KALRN: variants seen among roughly 807,000 people sequenced by gnomAD.
The protein encoded by KALRN is kalirin.
Under a neutral mutation model 353.7 loss-of-function variants are expected in KALRN, and 70 were observed. The observed-to-expected ratio is 0.20, with a 90% CI of 0.16 to 0.24. The LOEUF is 0.24. KALRN is among the 10% of genes least tolerant of loss of function. The pLI, the probability that KALRN is intolerant of heterozygous loss-of-function variation, is 1.00. For missense variants in KALRN, 2,791 were observed against 3,756.7 expected, an observed-to-expected ratio of 0.74 and a Z score of 6.72; for synonymous variants, 1,391 against 1,434.8, an observed-to-expected ratio of 0.97 and a Z score of 0.69.
chr3:124,602,997 G>A (rs1429063312), intron 34 of KALRN, among the ~76,000 whole-genome samples: 11 of 146,284 alleles, frequency 7.5e-5, no homozygotes, highest in Non-Finnish European at 1.7e-4. Context: ...TTACTACAGT[G>A]GAATCTAGTG....
chr3:124,616,359 C>T (rs145164680), intron 34 of KALRN, among the ~76,000 whole-genome samples: 345 of 152,290 alleles, frequency 2.3e-3, no homozygotes, highest in African/African-American at 7.2e-3. Context: ...TCTGGGTATA[C>T]TTGATGTGAT....
chr3:124,249,953 C>A (rs921526535), intron 3 of KALRN, among the ~76,000 whole-genome samples: 1 of 152,172 alleles, frequency 6.6e-6, no homozygotes, highest in Non-Finnish European at 1.5e-5. Flanking sequence ...CCAGGGCAAC[C>A]CTGGCTGTGT....
intron 34 of KALRN, among the ~76,000 whole-genome samples, chr3:124,567,063 G>A (rs748464806): frequency 3.4e-4 from 51 of 152,096 alleles, no homozygotes; most frequent in Non-Finnish European, 3.7e-4. Context: ...ACTAGCACAG[G>A]GTTCCCAACG....
intron 34 of KALRN, among the ~76,000 whole-genome samples, chr3:124,574,294 C>T (rs889743106): frequency 2.0e-5 from 3 of 152,210 alleles, no homozygotes; most frequent in South Asian, 2.1e-4. Context: ...ACCCAGGTGT[C>T]CATGGAAAGA....
At chr3:124,204,130 T>A (rs1328261272) in intron 1 of KALRN, among the ~76,000 whole-genome samples, 1 of 152,150 alleles carries the variant, frequency 6.6e-6, no homozygotes, top group African/African-American at 2.4e-5. Context: ...GTTCTAAGTA[T>A]TTTTCTGTTC....
intron 1 of KALRN, among the ~76,000 whole-genome samples, chr3:124,109,765 TATATATATGAC>T (rs1376642122): frequency 8.7e-5 from 10 of 115,466 alleles, no homozygotes; most frequent in African/African-American, 3.8e-4. Context: ...CATACTTTGA[TATATATATGAC>T]ATATATATCA....
intron 58 of KALRN, among the ~76,000 whole-genome samples, chr3:124,714,908 C>T (rs113403463): frequency 0.14 from 21,564 of 151,278 alleles, 1,999 homozygotes; most frequent in Middle Eastern, 0.22. Context: ...CCCAGCTACT[C>T]GGGAGGCTGA....
chr3:124,047,001 T>TC (rs1186274932), intron 1 of KALRN, among the ~76,000 whole-genome samples: 2 of 150,256 alleles, frequency 1.3e-5, no homozygotes, highest in African/African-American at 5.0e-5. Flanking sequence ...TTTTTTTTTT[T>TC]CTGTCGACAG....
At chr3:124,238,472 T>C (rs542652516) in intron 3 of KALRN, among the ~76,000 whole-genome samples, 14 of 152,266 alleles carry the variant, frequency 9.2e-5, no homozygotes, top group Admixed American at 5.9e-4. Context: ...CTCTACTGGG[T>C]TGAAGGTGGG....
intron 1 of KALRN, among the ~76,000 whole-genome samples, chr3:124,104,693 A>C (rs964734399): frequency 4.6e-5 from 7 of 152,356 alleles, no homozygotes; most frequent in Admixed American, 4.6e-4. Context: ...GGAGAGACTC[A>C]GATGTGTAAA....
intron 25 of KALRN, among the ~76,000 whole-genome samples, chr3:124,468,871 G>T (rs1664977630): frequency 6.6e-6 from 1 of 152,194 alleles, no homozygotes; most frequent in South Asian, 2.1e-4. Context: ...TGTAGCTGTG[G>T]TCTTGTTACT....
intron 51 of KALRN, among the ~76,000 whole-genome samples, chr3:124,680,349 C>A (rs149686480): frequency 6.6e-6 from 1 of 152,238 alleles, no homozygotes; most frequent in East Asian, 1.9e-4. Flanking sequence ...GTGGCTCTTA[C>A]GTGGCTTGCC....
At position 124,224,818 on chromosome 3, in the gene KALRN, C is replaced by A. The variant is rs79772511; in HGVS notation, c.74-3172C>A. ...ATAACCTGAGGATCTTAAAGGCCAA[C>A]AAATATGAAGAGAAGGTTTAGAAAG... On this transcript the variant is annotated intron_variant, in intron 1 of 59. Coordinates refer to ENST00000682506, the MANE Select transcript of KALRN (RefSeq NM_001388419.1). 5.4e-3 allele frequency among the ~76,000 whole-genome samples: 829 copies of A among 152,236 alleles called. 4 individuals carry two copies. The highest frequency in any genetic ancestry group is 0.01 in the Non-Finnish European group (686 of 68,006).
intron 10 of KALRN, among the ~76,000 whole-genome samples, chr3:124,351,763 C>T (rs1391425063): frequency 6.6e-6 from 1 of 152,202 alleles, no homozygotes; most frequent in Non-Finnish European, 1.5e-5. Context: ...AATCCATTAT[C>T]CTTCATTAAA....
intron 1 of KALRN, among the ~76,000 whole-genome samples, chr3:124,208,456 A>G (rs2076609736): frequency 6.6e-6 from 1 of 152,186 alleles, no homozygotes; most frequent in Non-Finnish European, 1.5e-5. Context: ...TTTTTTGTAT[A>G]TAACAAAGTT....
chr3:124,423,053 G>GCCTTACCTCATACC, intron 15 of KALRN, 75 bp downstream of exon 15: 1 of 1,477,208 alleles, frequency 6.8e-7, no homozygotes, highest in Non-Finnish European at 9.3e-7. Context: ...CTCCTGGTAT[G>GCCTTACCTCATACC]AGGTAAGGCA....
At chr3:124,262,067 A>G (rs2072952892) in intron 3 of KALRN, among the ~76,000 whole-genome samples, 1 of 152,188 alleles carries the variant, frequency 6.6e-6, no homozygotes, top group South Asian at 2.1e-4. Flanking sequence ...TAAAAATTCT[A>G]TGACCAGTGC....
chr3:124,688,505 T>C (rs1284179656), intron 51 of KALRN, among the ~76,000 whole-genome samples: 2 of 152,162 alleles, frequency 1.3e-5, no homozygotes, highest in African/African-American at 4.8e-5. Flanking sequence ...CTTTCCTGCC[T>C]ACTCTGAATA....
chr3:124,105,839 C>A (rs1451328198), intron 1 of KALRN, among the ~76,000 whole-genome samples: 1 of 152,092 alleles, frequency 6.6e-6, no homozygotes, highest in Non-Finnish European at 1.5e-5. Context: ...TGATTTTGTT[C>A]AAGGAGGAAG....
Sources: gnomAD v4.1 joint callset for allele counts (sites outside exome capture counted in the v4.1 genomes callset) on GRCh38, gnomAD v4.1.1 for gene constraint, MANE v1.5 for transcripts, NCBI Gene and HGNC (gene_info 2026-07-23, HGNC 2026-07-21) for gene names.